The following TXNRD1 variants were observed in gnomAD, a reference collection of about 807,000 sequenced individuals.
TXNRD1 encodes the protein thioredoxin reductase 1, also known as thioredoxin reductase 1, cytoplasmic.
A neutral mutation model predicts 80.3 loss-of-function variants in TXNRD1; 57 were observed. The ratio of observed to expected loss-of-function variants is 0.71; its 90% CI spans 0.57 to 0.89. TXNRD1 has a LOEUF of 0.89. Among genes scored for constraint, TXNRD1 ranks in the 40% least tolerant of loss-of-function variants. The pLI is 0.00. For missense variants in TXNRD1, 730 were observed against 803.0 expected (o/e 0.91, Z 1.10); for synonymous variants, 291 against 285.2 (o/e 1.02, Z -0.20).
chr12:104,285,892 A>C (rs2033960847), intron 3 of TXNRD1: 1 of 152,194 alleles, frequency 6.6e-6, no homozygotes, highest in African/African-American at 2.4e-5. Context: ...GGGACTCCAG[A>C]ATCAGGTGAA....
intron 4 of TXNRD1, among the ~76,000 whole-genome samples, chr12:104,296,833 A>G (rs2034451544): frequency 6.6e-6 from 1 of 152,214 alleles, no homozygotes; most frequent in African/African-American, 2.4e-5. Flanking sequence ...TAAAAGCTGT[A>G]TGACAGCAAC....
intron 3 of TXNRD1, among the ~76,000 whole-genome samples, chr12:104,273,022 T>C (rs2135726795): frequency 6.6e-6 from 1 of 151,812 alleles, no homozygotes; most frequent in African/African-American, 2.4e-5. Flanking sequence ...CTATAGATAA[T>C]TTTCAGTCTC....
intron 3 of TXNRD1, among the ~76,000 whole-genome samples, chr12:104,276,359 A>G (rs1394899413): frequency 6.6e-6 from 1 of 152,132 alleles, no homozygotes; most frequent in Admixed American, 6.6e-5. Context: ...AGTGAAAGTA[A>G]CTTGTACCTG....
At chr12:104,302,043 CTA>C (rs1462754252) in intron 4 of TXNRD1, among the ~76,000 whole-genome samples, 1 of 152,152 alleles carries the variant, frequency 6.6e-6, no homozygotes, top group East Asian at 1.9e-4. Flanking sequence ...GTAAAAACAG[CTA>C]TGTTTGGAAG....
intron 10 of TXNRD1, among the ~76,000 whole-genome samples, chr12:104,324,312 G>C (rs554707754): frequency 2.0e-5 from 3 of 151,020 alleles, no homozygotes; most frequent in African/African-American, 7.3e-5. Context: ...ATTTATTGAT[G>C]TCAAATAAAA....
At chr12:104,249,806 G>A (rs752401947) in intron 1 of TXNRD1, among the ~76,000 whole-genome samples, 15 of 151,778 alleles carry the variant, frequency 9.9e-5, no homozygotes, top group Non-Finnish European at 2.2e-4. Flanking sequence ...GTGGTGGCAG[G>A]CGCCTGTAGT....
chr12:104,297,854 G>A (rs1565885049), intron 4 of TXNRD1, among the ~76,000 whole-genome samples: 1 of 152,152 alleles, frequency 6.6e-6, no homozygotes, highest in Non-Finnish European at 1.5e-5. Flanking sequence ...TACCCTCCCT[G>A]TCTATCAAAA....
intron 3 of TXNRD1, among the ~76,000 whole-genome samples, chr12:104,280,062 C>CAAAAAAAAAAAAAA (rs34627940): frequency 2.4e-5 from 2 of 84,618 alleles, no homozygotes; most frequent in East Asian, 2.9e-4. Flanking sequence ...GACTCTGTCT[C>CAAAAAAAAAAAAAA]AAAAAAAAAA....
At chr12:104,325,514 T>C (rs754295233) in intron 11 of TXNRD1, 85 bp downstream of exon 11, 28 of 943,402 alleles carry the variant, frequency 3.0e-5, no homozygotes, top group Non-Finnish European at 4.5e-5. Context: ...AAATGGCTCT[T>C]AGTGATTTCC....
intron 15 of TXNRD1, among the ~76,000 whole-genome samples, chr12:104,335,251 G>T (rs1435405179): frequency 1.3e-5 from 2 of 148,306 alleles, no homozygotes; most frequent in African/African-American, 5.0e-5. Flanking sequence ...GCCCAGGCTG[G>T]AGTGCAGTGG....
intron 3 of TXNRD1, chr12:104,288,662 T>C: frequency 9.3e-7 from 1 of 1,071,078 alleles, no homozygotes; most frequent in Non-Finnish European, 1.2e-6. Context: ...TGCAATGATT[T>C]AACCCTGACT....
rs750455176 is a variant in TXNRD1, at chr12:104,334,316, G to A, written c.1730G>A (p.Cys577Tyr). The A allele has an allele frequency of 6.6e-7, 1 of 1,507,422 alleles. No homozygotes were observed. Among genetic ancestry groups the A allele is most frequent in the Non-Finnish European group, 8.9e-7 (1 of 1,120,312 alleles). 93.4% of individuals were successfully genotyped at this position (1,507,422 alleles called of 1,614,324 possible). A position where few individuals can be genotyped will look rare whatever the true frequency, so the allele number is the denominator to read the frequency against. ...AACAAATGTTATGCAAAAATAATCT[G>A]TAATACTAAAGACAATGTAAGTTTA... ...DNNKCYAKIICNTKDNERVVG... is the reference protein window; with the variant it reads ...DNNKCYAKIIYNTKDNERVVG... Residue 577 changes from cysteine to tyrosine, a missense_variant, in exon 15 of 17, where the codon TGT becomes TAT. Coordinates refer to ENST00000525566, the MANE Select transcript of TXNRD1 (RefSeq NM_001093771.3).
chr12:104,251,424 T>G (rs2033114915), intron 1 of TXNRD1, 103 bp from the exon 2 acceptor site: 4 of 1,227,462 alleles, frequency 3.3e-6, no homozygotes, highest in Non-Finnish European at 4.6e-6. Flanking sequence ...TTTTGGCCTG[T>G]GGGACTTAAA....
chr12:104,257,446 G>T lies in TXNRD1; in HGVS notation c.244-573G>T, dbSNP rs190953306. Among the ~76,000 whole-genome samples the T allele has an allele frequency of 6.0e-3, 737 of 122,378 alleles. 8 individuals are homozygous for T. The highest frequency in any genetic ancestry group is 0.022 in the African/African-American group (705 of 31,626). 80.3% of individuals were successfully genotyped at this position (122,378 alleles called of 152,430 possible). ...TTTTGAAACAGAGTCTTACTCTGTC[G>T]CCCAGGCTGGAGTGCAGTGGTACAA... On this transcript the variant is annotated intron_variant, in intron 2 of 16. Coordinates refer to ENST00000525566, the MANE Select transcript of TXNRD1 (RefSeq NM_001093771.3).
At chr12:104,286,959 C>T in intron 3 of TXNRD1, 1 of 1,220,012 alleles carries the variant, frequency 8.2e-7, no homozygotes, top group South Asian at 1.8e-5. Flanking sequence ...GGCAGTTAGC[C>T]CGCCCGCTCG....
At position 104,338,154 on chromosome 12, in the gene TXNRD1, G is replaced by T. The variant is rs1235919638; in HGVS notation, c.1747-985G>T. Among the ~76,000 whole-genome samples, 4 of 151,680 alleles carry T rather than the reference G, an allele frequency of 2.6e-5. No individual in the cohort carries two copies. The East Asian group carries it at 7.7e-4, about 29-fold the overall frequency. On this transcript the variant is annotated intron_variant, in intron 15 of 16. Coordinates refer to ENST00000525566, the MANE Select transcript of TXNRD1 (RefSeq NM_001093771.3). ...CCCAGCTATTACAGATAGCCTCTGT[G>T]GAGCTGAGATGATCAAATACAGGAC... is the stretch of plus-strand genomic sequence containing the variant.
At chr12:104,242,519 G>A (rs114752177) in intron 1 of TXNRD1, among the ~76,000 whole-genome samples, 3,646 of 151,634 alleles carry the variant, frequency 0.024, 116 homozygotes, top group South Asian at 0.074. Context: ...TTGCAATCCA[G>A]CATGGGCGAC....
chr12:104,289,277 G>A, intron 4 of TXNRD1: 1 of 414,418 alleles, frequency 2.4e-6, no homozygotes, highest in Non-Finnish European at 4.3e-6. Flanking sequence ...TTTTAAAATA[G>A]CTTTTTAAAA....
chr12:104,238,885 T>A (rs1208704489), intron 1 of TXNRD1, among the ~76,000 whole-genome samples: 1 of 152,110 alleles, frequency 6.6e-6, no homozygotes, highest in Admixed American at 6.6e-5. Flanking sequence ...CTTGCACTGT[T>A]GCCCAGGCTA....
Sources: allele counts gnomAD v4.1 joint callset (sites outside exome capture counted in the v4.1 genomes callset), GRCh38; gene constraint gnomAD v4.1.1; transcripts MANE v1.5; gene names NCBI Gene and HGNC (gene_info 2026-07-23, HGNC 2026-07-21).